MAPT: variants seen among roughly 807,000 people sequenced by gnomAD.
MAPT encodes microtubule associated protein tau, also known as microtubule-associated protein tau.
Under a neutral mutation model 67.9 loss-of-function variants are expected in MAPT, and 34 were observed. The observed-to-expected ratio is 0.50, with a 90% CI of 0.38 to 0.67. The LOEUF is 0.67. Ranked by LOEUF, MAPT falls within the 30% of genes least tolerant of loss-of-function variation. The pLI, the probability that MAPT is intolerant of heterozygous loss-of-function variation, is 0.00. For synonymous variants in MAPT, 456 were observed against 464.5 expected (o/e 0.98, Z 0.23); for missense variants, 881 against 1,115.2 (o/e 0.79, Z 2.99).
intron 1 of MAPT, among the ~76,000 whole-genome samples, chr17:45,912,301 T>C (rs2064851699): frequency 6.6e-6 from 1 of 152,234 alleles, no homozygotes; most frequent in South Asian, 2.1e-4. Flanking sequence ...AAATGTGATC[T>C]TATTTGGAAA....
Position 46,010,706 on chromosome 17 carries a change from G to C in MAPT, c.2091+304G>C, listed in dbSNP as rs2075767909. Among the ~76,000 whole-genome samples, 1 of 152,206 alleles carries C rather than the reference G, an allele frequency of 6.6e-6. No individual in the cohort carries two copies. On this transcript the variant is annotated intron_variant, in intron 10 of 12. Coordinates refer to ENST00000262410, the MANE Select transcript of MAPT (RefSeq NM_001377265.1). The surrounding 1 kb of genome is among the most constrained non-coding windows in gnomAD (Gnocchi z 4.7). ...GACCCTCTCTCCGGACCCTGCCTGG[G>C]AAGCTGAGAATACCCATCAAAGTCT... is the stretch of plus-strand genomic sequence containing the variant.
chr17:45,950,625 T>C (rs552211612), intron 1 of MAPT, among the ~76,000 whole-genome samples: 14 of 152,170 alleles, frequency 9.2e-5, no homozygotes, highest in Non-Finnish European at 2.1e-4. Context: ...AAGGTCCATA[T>C]TGTCTAGTTC....
At chr17:45,937,650 A>G (rs2144822827) in intron 1 of MAPT, among the ~76,000 whole-genome samples, 2 of 152,062 alleles carry the variant, frequency 1.3e-5, no homozygotes, top group Admixed American at 1.3e-4. Flanking sequence ...GAAAAAAAAA[A>G]AAGAAGGGAA....
chr17:45,922,684 G>C (rs2065869191), intron 1 of MAPT, among the ~76,000 whole-genome samples: 1 of 152,184 alleles, frequency 6.6e-6, no homozygotes, highest in African/African-American at 2.4e-5. Context: ...TCATGACTCA[G>C]GGTTTTCACT....
intron 1 of MAPT, among the ~76,000 whole-genome samples, chr17:45,919,187 G>C: frequency 6.6e-6 from 1 of 152,078 alleles, no homozygotes; most frequent in East Asian, 1.9e-4. Flanking sequence ...CCTGCCTGTT[G>C]CTGCAGCACC....
intron 12 of MAPT, among the ~76,000 whole-genome samples, chr17:46,021,229 G>GA (rs1291688634): frequency 6.6e-6 from 1 of 152,242 alleles, no homozygotes; most frequent in East Asian, 1.9e-4. Context: ...AGCTGGCCGA[G>GA]AGCTCTCGGG....
chr17:45,906,736 C>T lies in MAPT; in HGVS notation c.-18+12050C>T, dbSNP rs929519121. 1.3e-5 allele frequency among the ~76,000 whole-genome samples: 2 copies of T among 152,122 alleles called. No individual in the cohort carries two copies. Among genetic ancestry groups the T allele is most frequent in the Non-Finnish European group, 2.9e-5 (2 of 68,016 alleles). ...TTGCGTTTTAGTAAAATGCTGCCCC[C>T]ATTACCACCTGGTCTGTGCACTTCG... On this transcript the variant is annotated intron_variant, in intron 1 of 12. Transcript: ENST00000262410. This position sits in a 1 kb window ranked among gnomAD's most constrained non-coding sequence, Gnocchi z 4.3.
At chr17:45,941,558 T>C (rs993148899) in intron 1 of MAPT, among the ~76,000 whole-genome samples, 2 of 151,770 alleles carry the variant, frequency 1.3e-5, no homozygotes, top group Non-Finnish European at 2.9e-5. Flanking sequence ...TCTTTGTGCT[T>C]CTTTCTTGCC....
Position 45,991,591 on chromosome 17 carries a change from G to T in MAPT, c.1732+5G>T. 6.2e-7 allele frequency: 1 copy of T among 1,614,040 alleles called. No homozygotes were observed. The highest frequency in any genetic ancestry group is 8.5e-7 in the Non-Finnish European group (1 of 1,179,926). On this transcript the variant is annotated splice_donor_5th_base_variant and intron_variant, in intron 8 of 12. Coordinates refer to ENST00000262410, the MANE Select transcript of MAPT (RefSeq NM_001377265.1). ...CAAAGACACCACCCAGCTCTGGTAA[G>T]AAGAACGTTCTCTTGAATCTTAGAG...
At chr17:45,972,974 G>T (rs17651134) in intron 3 of MAPT, 1 of 152,126 alleles carries the variant, frequency 6.6e-6, no homozygotes, top group Non-Finnish European at 1.5e-5. Flanking sequence ...AACGTTAATA[G>T]TGGCTTTTGA....
chr17:45,895,925 G>C (rs1343817608), intron 1 of MAPT: 2 of 152,494 alleles, frequency 1.3e-5, no homozygotes, highest in African/African-American at 4.8e-5. Context: ...GCTGCTGCGG[G>C]CGTGAGCACT....
At chr17:45,981,601 G>A (rs191237882) in intron 4 of MAPT, among the ~76,000 whole-genome samples, 1,834 of 152,246 alleles carry the variant, frequency 0.012, 15 homozygotes, top group Non-Finnish European at 0.021. Context: ...CTTCTTTTTC[G>A]AGGAGTCTTA....
intron 1 of MAPT, among the ~76,000 whole-genome samples, chr17:45,922,982 G>A (rs951735800): frequency 2.0e-5 from 3 of 152,244 alleles, no homozygotes; most frequent in Non-Finnish European, 2.9e-5. Context: ...CTGGACTCTG[G>A]AGTAGAACTC....
At chr17:45,910,264 T>C (rs1412700801) in intron 1 of MAPT, among the ~76,000 whole-genome samples, 1 of 152,150 alleles carries the variant, frequency 6.6e-6, no homozygotes, top group Non-Finnish European at 1.5e-5. Flanking sequence ...TATGATCTCA[T>C]TTGATTCTTA....
chr17:45,964,401 C>T (rs1423728808), intron 2 of MAPT, among the ~76,000 whole-genome samples: 4 of 142,004 alleles, frequency 2.8e-5, no homozygotes, highest in Admixed American at 7.4e-5. Context: ...TCTTAGAGGC[C>T]GGGCGCGGTG....
intron 2 of MAPT, among the ~76,000 whole-genome samples, chr17:45,964,370 CT>C (rs1476523305): frequency 7.8e-6 from 1 of 128,454 alleles, no homozygotes; most frequent in Non-Finnish European, 1.6e-5. Flanking sequence ...CCCCCACCCC[CT>C]GTTTTCTCCT....
Position 46,023,991 on chromosome 17 carries a change from C to T in MAPT, c.2322C>T (p.Ala774=). Residue 774 remains alanine, a synonymous_variant, in exon 13 of 13, where the codon GCC becomes GCT. Transcript: ENST00000262410. ...ACAAGCTGACCTTCCGCGAGAACGC[C>T]AAAGCCAAGACAGACCACGGGGCGG... ...ETHKLTFREN[A]KAKTDHGAEI... is the part of the protein sequence containing the mutation. The T allele has an allele frequency of 6.2e-7, 1 of 1,614,190 alleles. No homozygotes were observed.
At chr17:45,942,422 C>T (rs1458603252) in intron 1 of MAPT, among the ~76,000 whole-genome samples, 1 of 152,216 alleles carries the variant, frequency 6.6e-6, no homozygotes, top group Non-Finnish European at 1.5e-5. Flanking sequence ...CTGCCATCTG[C>T]CCTGCCTGGC....
intron 1 of MAPT, among the ~76,000 whole-genome samples, chr17:45,904,121 A>G (rs1399986636): frequency 3.2e-5 from 1 of 31,124 alleles, no homozygotes; most frequent in South Asian, 9.2e-4. Context: ...TATATTATAT[A>G]TTATATATTA....
Sources: allele counts gnomAD v4.1 joint callset (sites outside exome capture counted in the v4.1 genomes callset), GRCh38; gene constraint gnomAD v4.1.1; non-coding constraint Gnocchi (gnomAD v3.1); transcripts MANE v1.5; gene names NCBI Gene and HGNC (gene_info 2026-07-23, HGNC 2026-07-21).